The following HS6ST3 variants were observed in gnomAD, a reference collection of about 807,000 sequenced individuals.
HS6ST3 encodes the protein heparan sulfate 6-O-sulfotransferase 3.
A neutral mutation model predicts 36.7 loss-of-function variants in HS6ST3; 12 were observed. The observed-to-expected ratio is 0.33, with a 90% CI of 0.21 to 0.53. The LOEUF is 0.53. HS6ST3 is among the 20% of genes least tolerant of loss of function. The pLI, the probability that HS6ST3 is intolerant of heterozygous loss-of-function variation, is 0.95. For missense variants in HS6ST3, 584 were observed against 640.9 expected (o/e 0.91, Z 0.96); for synonymous variants, 240 against 257.5 (o/e 0.93, Z 0.65).
chr13:96,452,109 G>T lies in HS6ST3; in HGVS notation c.707+360540G>T, dbSNP rs908234261. ...TCACATTGCAATGAACATAAAATTT[G>T]CATCTTGTTTTATTTTTCACTCTCT... is the stretch of plus-strand genomic sequence containing the variant. On this transcript the variant is annotated intron_variant, in intron 1 of 1. Coordinates refer to ENST00000376705, the MANE Select transcript of HS6ST3 (RefSeq NM_153456.4). Among the ~76,000 whole-genome samples, 6 of 152,270 alleles carry T rather than the reference G, an allele frequency of 3.9e-5. No individual in the cohort carries two copies. The East Asian group carries it at 1.2e-3, about 29-fold the overall frequency.
At chr13:96,625,338 C>T (rs1005369376) in intron 1 of HS6ST3, among the ~76,000 whole-genome samples, 3 of 152,266 alleles carry the variant, frequency 2.0e-5, no homozygotes, top group Non-Finnish European at 2.9e-5. Flanking sequence ...TCCTTCCAGT[C>T]CCCTACCTCA....
chr13:96,100,738 G>T (rs1431823638), intron 1 of HS6ST3, among the ~76,000 whole-genome samples: 1 of 152,200 alleles, frequency 6.6e-6, no homozygotes, highest in Admixed American at 6.5e-5. Context: ...AAGGGCAAGA[G>T]AGCTGATGCA....
At chr13:96,799,946 A>ATATATATATATATGTGTG (rs1566456732) in intron 1 of HS6ST3, among the ~76,000 whole-genome samples, 2 of 77,086 alleles carry the variant, frequency 2.6e-5, no homozygotes, top group Admixed American at 1.3e-4. Context: ...ATGTGTGTGT[A>ATATATATATATATGTGTG]TATATATATA....
At chr13:96,219,873 G>T (rs2054446780) in intron 1 of HS6ST3, among the ~76,000 whole-genome samples, 1 of 152,084 alleles carries the variant, frequency 6.6e-6, no homozygotes, top group African/African-American at 2.4e-5. Flanking sequence ...TAGTAGAGAT[G>T]GGGTTTCACC....
At chr13:96,154,723 C>A (rs1000480200) in intron 1 of HS6ST3, among the ~76,000 whole-genome samples, 1 of 151,930 alleles carries the variant, frequency 6.6e-6, no homozygotes, top group Admixed American at 6.6e-5. Context: ...AAAATTAACA[C>A]AATGAAGTAT....
At chr13:96,454,455 C>T (rs2055745044) in intron 1 of HS6ST3, among the ~76,000 whole-genome samples, 1 of 152,022 alleles carries the variant, frequency 6.6e-6, no homozygotes, top group Admixed American at 6.6e-5. Flanking sequence ...TTTAAGTGAA[C>T]GACTTAGCAT....
At chr13:96,213,501 A>G (rs550797865) in intron 1 of HS6ST3, among the ~76,000 whole-genome samples, 73 of 149,872 alleles carry the variant, frequency 4.9e-4, no homozygotes, top group Non-Finnish European at 8.9e-4. Flanking sequence ...CCTTTGGCCT[A>G]TGGCCGACTG....
At chr13:96,789,974 T>G (rs1877743344) in intron 1 of HS6ST3, among the ~76,000 whole-genome samples, 1 of 151,868 alleles carries the variant, frequency 6.6e-6, no homozygotes, top group Non-Finnish European at 1.5e-5. Context: ...CAAGATGTTT[T>G]GGGTCATTAT....
At chr13:96,425,615 G>C (rs1038784328) in intron 1 of HS6ST3, among the ~76,000 whole-genome samples, 2 of 151,024 alleles carry the variant, frequency 1.3e-5, no homozygotes, top group African/African-American at 4.9e-5. Context: ...TAAACCTTCT[G>C]TGTGTGTGTG....
At chr13:96,449,728 C>T (rs1408475833) in intron 1 of HS6ST3, among the ~76,000 whole-genome samples, 27 of 152,070 alleles carry the variant, frequency 1.8e-4, no homozygotes, top group Non-Finnish European at 1.0e-4. Flanking sequence ...AACACTATAA[C>T]AATATAGATG....
At chr13:96,092,977 C>T (rs2053772467) in intron 1 of HS6ST3, among the ~76,000 whole-genome samples, 1 of 152,130 alleles carries the variant, frequency 6.6e-6, no homozygotes, top group Non-Finnish European at 1.5e-5. Context: ...TTGGATCTTG[C>T]CACTCTCTTT....
At chr13:96,595,499 T>C (rs934984233) in intron 1 of HS6ST3, among the ~76,000 whole-genome samples, 23 of 152,026 alleles carry the variant, frequency 1.5e-4, no homozygotes, top group Non-Finnish European at 1.3e-4. Context: ...TTTGACAGCA[T>C]GATTAGAATA....
chr13:96,640,287 G>A (rs2056565836), intron 1 of HS6ST3, among the ~76,000 whole-genome samples: 3 of 151,902 alleles, frequency 2.0e-5, no homozygotes, highest in Admixed American at 2.0e-4. Flanking sequence ...GTATCTTCTT[G>A]TGGTTTTGGT....
intron 1 of HS6ST3, among the ~76,000 whole-genome samples, chr13:96,807,127 C>A (rs142612761): frequency 6.6e-6 from 1 of 152,154 alleles, no homozygotes; most frequent in South Asian, 2.1e-4. Context: ...CTGAAGAATA[C>A]GGGAGCTGAA....
At chr13:96,731,661 GT>G (rs1266504539) in intron 1 of HS6ST3, among the ~76,000 whole-genome samples, 5 of 146,652 alleles carry the variant, frequency 3.4e-5, no homozygotes, top group African/African-American at 5.0e-5. Context: ...AGTTTGTTTT[GT>G]TTTTTTTTTG....
In HS6ST3 at chr13:96,306,353, C is replaced by T. The variant is rs539907574; in HGVS notation, c.707+214784C>T. 1.1e-4 allele frequency among the ~76,000 whole-genome samples: 17 copies of T among 152,120 alleles called. 1 individual carries two copies. Among genetic ancestry groups the T allele is most frequent in the Admixed American group, 8.5e-4 (13 of 15,280 alleles). On this transcript the variant is annotated intron_variant, in intron 1 of 1. Transcript: ENST00000376705. Reference sequence around the variant, plus strand: ...TCTTGATCTTGTGATCTGCCCACCTCGGCCTCCCAAAGTATGCCCAGCTAA... The same window carrying T: ...TCTTGATCTTGTGATCTGCCCACCTTGGCCTCCCAAAGTATGCCCAGCTAA...
chr13:96,668,583 TA>T (rs1191381039), intron 1 of HS6ST3, among the ~76,000 whole-genome samples: 1 of 151,634 alleles, frequency 6.6e-6, no homozygotes, highest in Non-Finnish European at 1.5e-5. Flanking sequence ...GGCAAAATCT[TA>T]TTGGAGACAG....
At chr13:96,817,788 A>G (rs1238351355) in intron 1 of HS6ST3, among the ~76,000 whole-genome samples, 1 of 152,166 alleles carries the variant, frequency 6.6e-6, no homozygotes, top group Non-Finnish European at 1.5e-5. Context: ...TTTTCTGCTT[A>G]TCACCAAGAG....
At chr13:96,137,696 A>G (rs1377093873) in intron 1 of HS6ST3, among the ~76,000 whole-genome samples, 5 of 152,114 alleles carry the variant, frequency 3.3e-5, no homozygotes, top group Non-Finnish European at 7.4e-5. Context: ...CTCCCAAAGT[A>G]CTGGGATTAC....
Sources: gnomAD v4.1 joint callset for allele counts (sites outside exome capture counted in the v4.1 genomes callset) on GRCh38, gnomAD v4.1.1 for gene constraint, MANE v1.5 for transcripts, NCBI Gene and HGNC (gene_info 2026-07-23, HGNC 2026-07-21) for gene names.